RERE: variants seen among roughly 807,000 people sequenced by gnomAD.
RERE encodes arginine-glutamic acid dipeptide repeats protein.
RERE carries 40 observed loss-of-function variants against 146.1 expected under a neutral mutation model. The ratio of observed to expected loss-of-function variants is 0.27; its 90% CI spans 0.21 to 0.36. RERE has a LOEUF of 0.36. RERE is among the 10% of genes least tolerant of loss of function. The pLI, the probability that RERE is intolerant of heterozygous loss-of-function variation, is 1.00. For synonymous variants in RERE, 1,003 were observed against 866.0 expected (o/e 1.16, Z -2.78); for missense variants, 1,933 against 2,138.7 (o/e 0.90, Z 1.90).
chr1:8,769,625 T>C (rs1160356798), intron 1 of RERE, among the ~76,000 whole-genome samples: 1 of 151,892 alleles, frequency 6.6e-6, no homozygotes, highest in Non-Finnish European at 1.5e-5. Flanking sequence ...GACTACAGGC[T>C]CATGCTATCA....
rs528055519 is a variant in RERE, at chr1:8,612,382, A to G, written c.522+2179T>C. ...AGCTCAAATGACTTTGGCAGCACAAAGCATCATTAAAGAACAATCAATACA... is the reference window on the plus strand; with the variant it reads ...AGCTCAAATGACTTTGGCAGCACAAGGCATCATTAAAGAACAATCAATACA... On this transcript the variant is annotated intron_variant, in intron 4 of 22. Transcript: ENST00000400908. Among the ~76,000 whole-genome samples the G allele has an allele frequency of 6.2e-4, 95 of 152,318 alleles. 2 individuals carry two copies. The South Asian group carries it at 0.018, about 30-fold the overall frequency.
intron 8 of RERE, among the ~76,000 whole-genome samples, chr1:8,501,865 C>T (rs1476401890): frequency 2.4e-5 from 3 of 124,956 alleles, no homozygotes; most frequent in Admixed American, 1.5e-4. Context: ...CCCGGCCAGC[C>T]GCCCCGTCCG....
At chr1:8,636,848 G>A (rs912205121) in intron 2 of RERE, among the ~76,000 whole-genome samples, 2 of 152,130 alleles carry the variant, frequency 1.3e-5, no homozygotes, top group Non-Finnish European at 2.9e-5. Flanking sequence ...AGAGAATGGA[G>A]GCCACATACA....
At chr1:8,592,262 G>C (rs545371222) in intron 4 of RERE, among the ~76,000 whole-genome samples, 1 of 152,100 alleles carries the variant, frequency 6.6e-6, no homozygotes, top group South Asian at 2.1e-4. Flanking sequence ...ACCAGCAAAA[G>C]GTACTTTTTT....
At chr1:8,752,398 A>G (rs1351325496) in intron 1 of RERE, among the ~76,000 whole-genome samples, 2 of 152,194 alleles carry the variant, frequency 1.3e-5, no homozygotes, top group Non-Finnish European at 2.9e-5. Context: ...TAGTAGTTAT[A>G]AGAGATACGG....
intron 1 of RERE, among the ~76,000 whole-genome samples, chr1:8,701,745 C>A (rs1196428591): frequency 6.6e-6 from 1 of 152,102 alleles, no homozygotes; most frequent in Non-Finnish European, 1.5e-5. Context: ...TTTCACTGGT[C>A]CCAGGGATCT....
intron 3 of RERE, among the ~76,000 whole-genome samples, chr1:8,615,232 C>A (rs114453190): frequency 0.022 from 3,371 of 152,270 alleles, 63 homozygotes; most frequent in Non-Finnish European, 0.037. Flanking sequence ...AGTAAATAGA[C>A]AAAGGCCCCA....
At chr1:8,626,088 A>G (rs568449630) in intron 2 of RERE, among the ~76,000 whole-genome samples, 1 of 152,328 alleles carries the variant, frequency 6.6e-6, no homozygotes, top group African/African-American at 2.4e-5. Context: ...GGCAACATCA[A>G]CTTAACATGC....
chr1:8,774,965 T>A (rs540459125), intron 1 of RERE, among the ~76,000 whole-genome samples: 1 of 122,570 alleles, frequency 8.2e-6, no homozygotes, highest in East Asian at 2.6e-4. Flanking sequence ...TTTTTTTTTT[T>A]TTTTTTTTTT....
At chr1:8,538,985 T>C (rs774416006) in intron 7 of RERE, among the ~76,000 whole-genome samples, 2 of 152,348 alleles carry the variant, frequency 1.3e-5, no homozygotes, top group Non-Finnish European at 2.9e-5. Context: ...GTAAGTTACA[T>C]ATTACTTTTA....
At chr1:8,634,799 G>A (rs1379221183) in intron 2 of RERE, among the ~76,000 whole-genome samples, 7 of 152,090 alleles carry the variant, frequency 4.6e-5, no homozygotes, top group East Asian at 3.8e-4. Flanking sequence ...GCAGTGGCGC[G>A]ATCTCGGTTC....
chr1:8,756,625 T>C (rs188761357), intron 1 of RERE, among the ~76,000 whole-genome samples: 83 of 152,368 alleles, frequency 5.4e-4, no homozygotes, highest in African/African-American at 2.0e-3. Context: ...ACTGGTAATA[T>C]TCTTTCTAAA....
intron 8 of RERE, among the ~76,000 whole-genome samples, chr1:8,501,601 G>A (rs1233706720): frequency 1.5e-5 from 2 of 134,494 alleles, no homozygotes; most frequent in East Asian, 2.4e-4. Flanking sequence ...CAGCCGCCCC[G>A]TCCGGGAGGG....
intron 1 of RERE, chr1:8,786,696 G>A (rs941340330): frequency 3.8e-6 from 3 of 787,176 alleles, no homozygotes; most frequent in Non-Finnish European, 6.8e-6. Flanking sequence ...CAGGTACACA[G>A]AAGTTGCCAG....
chr1:8,376,899 C>G (rs1352954814), intron 12 of RERE, among the ~76,000 whole-genome samples: 1 of 152,186 alleles, frequency 6.6e-6, no homozygotes, highest in Non-Finnish European at 1.5e-5. Flanking sequence ...TCTGCTGAAC[C>G]TCTATGACCT....
At chr1:8,645,523 A>C (rs1187896035) in intron 2 of RERE, among the ~76,000 whole-genome samples, 1 of 152,206 alleles carries the variant, frequency 6.6e-6, no homozygotes, top group South Asian at 2.1e-4. Flanking sequence ...GTGACTCTCA[A>C]ATCTAAACGT....
intron 7 of RERE, among the ~76,000 whole-genome samples, chr1:8,531,900 T>A (rs995945065): frequency 1.3e-5 from 2 of 152,220 alleles, no homozygotes; most frequent in East Asian, 1.9e-4. Context: ...ATAATCCAAT[T>A]GTACATTTTA....
intron 2 of RERE, among the ~76,000 whole-genome samples, chr1:8,651,165 A>C (rs1647611714): frequency 6.6e-6 from 1 of 152,064 alleles, no homozygotes; most frequent in Non-Finnish European, 1.5e-5. Flanking sequence ...TATAACCCCA[A>C]GACTTTGGGA....
chr1:8,634,800 A>C (rs1647076661), intron 2 of RERE, among the ~76,000 whole-genome samples: 1 of 152,128 alleles, frequency 6.6e-6, no homozygotes, highest in Admixed American at 6.5e-5. Context: ...CAGTGGCGCG[A>C]TCTCGGTTCA....
Sources: gnomAD v4.1 joint callset for allele counts (sites outside exome capture counted in the v4.1 genomes callset) on GRCh38, gnomAD v4.1.1 for gene constraint, MANE v1.5 for transcripts, NCBI Gene and HGNC (gene_info 2026-07-23, HGNC 2026-07-21) for gene names.